The following POU6F2 variants were observed in gnomAD, a reference collection of about 807,000 sequenced individuals.
POU6F2 encodes the protein POU class 6 homeobox 2.
In POU6F2, 31 loss-of-function variants were observed where a neutral mutation model predicts 71.3. That is an observed-to-expected ratio of 0.43 (90% CI 0.33 to 0.59). The LOEUF is 0.59. POU6F2 is among the 20% of genes least tolerant of loss of function. The pLI, the probability that POU6F2 is intolerant of heterozygous loss-of-function variation, is 0.04. For synonymous variants in POU6F2, 347 were observed against 355.7 expected (o/e 0.98, Z 0.27); for missense variants, 783 against 856.8 (o/e 0.91, Z 1.07).
Position 39,234,934 on chromosome 7 carries a change from G to A in POU6F2, c.598+27314G>A, listed in dbSNP as rs147447024. 1.1e-4 allele frequency among the ~76,000 whole-genome samples: 17 copies of A among 152,310 alleles called. No homozygotes were observed. The East Asian group carries it at 2.1e-3, about 19-fold the overall frequency. ...TTCTCTTAGGCATTCCTCCCTAGGC[G>A]TGGCTTTCTCCCTATGTTCAGAAGC... On this transcript the variant is annotated intron_variant, in intron 4 of 9. Coordinates refer to ENST00000518318, the MANE Select transcript of POU6F2 (RefSeq NM_001370959.1).
At chr7:38,984,405 A>G (rs1450865785) in intron 1 of POU6F2, 3 of 152,180 alleles carry the variant, frequency 2.0e-5, no homozygotes, top group Admixed American at 1.3e-4. Flanking sequence ...AGGAAAGGGC[A>G]CTGGAAAGAG....
At chr7:39,101,447 T>G (rs1584542830) in intron 2 of POU6F2, among the ~76,000 whole-genome samples, 1 of 80,138 alleles carries the variant, frequency 1.2e-5, no homozygotes, top group Non-Finnish European at 2.8e-5. Flanking sequence ...CTAGGCAAGA[T>G]TTTTTTTTTT....
At chr7:39,279,537 T>A (rs1239634015) in intron 4 of POU6F2, among the ~76,000 whole-genome samples, 1 of 152,170 alleles carries the variant, frequency 6.6e-6, no homozygotes, top group Non-Finnish European at 1.5e-5. Context: ...GTCTCACAGT[T>A]CTGGAAGGTT....
intron 7 of POU6F2, among the ~76,000 whole-genome samples, chr7:39,444,916 A>C (rs989985415): frequency 6.6e-6 from 1 of 152,166 alleles, no homozygotes; most frequent in African/African-American, 2.4e-5. Flanking sequence ...TAAGGCAGGG[A>C]GAGAAAAATG....
chr7:39,312,810 C>A (rs1393653038), intron 4 of POU6F2, among the ~76,000 whole-genome samples: 1 of 152,144 alleles, frequency 6.6e-6, no homozygotes, highest in Non-Finnish European at 1.5e-5. Flanking sequence ...GGAGTGGGTA[C>A]AATGTGGATC....
At chr7:39,175,334 T>C (rs957522315) in intron 2 of POU6F2, among the ~76,000 whole-genome samples, 2 of 152,188 alleles carry the variant, frequency 1.3e-5, no homozygotes, top group East Asian at 1.9e-4. Flanking sequence ...GTCCAAAATT[T>C]CGTGCATCAG....
intron 5 of POU6F2, among the ~76,000 whole-genome samples, chr7:39,355,784 A>G (rs1203480007): frequency 6.6e-6 from 1 of 152,212 alleles, no homozygotes; most frequent in Admixed American, 6.5e-5. Context: ...TAACAAGCCT[A>G]TTAAAATGAG....
At chr7:39,344,696 C>G (rs1785993873) in intron 5 of POU6F2, among the ~76,000 whole-genome samples, 1 of 152,086 alleles carries the variant, frequency 6.6e-6, no homozygotes, top group African/African-American at 2.4e-5. Context: ...CAATATTACT[C>G]AAGGCTCTGT....
intron 4 of POU6F2, among the ~76,000 whole-genome samples, chr7:39,297,472 A>G (rs1784871977): frequency 6.6e-6 from 1 of 152,220 alleles, no homozygotes; most frequent in Non-Finnish European, 1.5e-5. Context: ...CCAATCTCTT[A>G]TCTGACTACT....
At chr7:39,373,641 G>A (rs1261331603) in intron 5 of POU6F2, 1 of 413,064 alleles carries the variant, frequency 2.4e-6, no homozygotes, top group African/African-American at 2.1e-5. Flanking sequence ...ATTTTACAAA[G>A]AGGCTGGGAA....
intron 5 of POU6F2, among the ~76,000 whole-genome samples, chr7:39,393,476 T>C (rs1787113619): frequency 6.6e-6 from 1 of 152,120 alleles, no homozygotes; most frequent in East Asian, 1.9e-4. Context: ...CAGGGCTGCT[T>C]ACAGACACCC....
At chr7:39,311,364 C>T (rs138137142) in intron 4 of POU6F2, among the ~76,000 whole-genome samples, 2 of 152,164 alleles carry the variant, frequency 1.3e-5, no homozygotes, top group African/African-American at 4.8e-5. Flanking sequence ...CTTCTCATCA[C>T]CTCACCCTGC....
chr7:39,234,735 A>G (rs1385316361), intron 4 of POU6F2, among the ~76,000 whole-genome samples: 1 of 152,206 alleles, frequency 6.6e-6, no homozygotes, highest in Non-Finnish European at 1.5e-5. Flanking sequence ...AGGGACTGTT[A>G]GAAATTCATT....
intron 2 of POU6F2, among the ~76,000 whole-genome samples, chr7:39,124,122 C>T (rs2128728158): frequency 6.7e-6 from 1 of 148,766 alleles, no homozygotes; most frequent in East Asian, 2.1e-4. Context: ...TCTTGGCTCA[C>T]TGCAACCTCC....
At chr7:39,177,484 G>A (rs1214938744) in intron 2 of POU6F2, among the ~76,000 whole-genome samples, 1 of 152,208 alleles carries the variant, frequency 6.6e-6, no homozygotes, top group Non-Finnish European at 1.5e-5. Flanking sequence ...ACAATCCAAG[G>A]ATTGGGAAAG....
intron 5 of POU6F2, among the ~76,000 whole-genome samples, chr7:39,397,326 A>T (rs200900828): frequency 0.05 from 22 of 440 alleles, no homozygotes; most frequent in African/African-American, 0.12. Flanking sequence ...TATATATATT[A>T]TATATATATA....
chr7:39,270,125 A>G (rs1481823644), intron 4 of POU6F2, among the ~76,000 whole-genome samples: 2 of 152,228 alleles, frequency 1.3e-5, no homozygotes, highest in African/African-American at 2.4e-5. Flanking sequence ...TCACAGATAT[A>G]GGAATGAGCA....
chr7:39,187,787 C>T (rs778563673), intron 2 of POU6F2, among the ~76,000 whole-genome samples: 3 of 152,164 alleles, frequency 2.0e-5, no homozygotes, highest in Non-Finnish European at 4.4e-5. Context: ...TACGCTGTTT[C>T]GGAACACCGG....
At chr7:39,320,455 C>T (rs780547720) in intron 4 of POU6F2, among the ~76,000 whole-genome samples, 4 of 152,016 alleles carry the variant, frequency 2.6e-5, no homozygotes, top group African/African-American at 4.8e-5. Context: ...ACACATCTCT[C>T]GGTAAAGGGT....
Sources: allele counts gnomAD v4.1 joint callset (sites outside exome capture counted in the v4.1 genomes callset), GRCh38; gene constraint gnomAD v4.1.1; transcripts MANE v1.5; gene names NCBI Gene and HGNC (gene_info 2026-07-23, HGNC 2026-07-21).